Variants in SKI observed in about 807,000 individuals in gnomAD.
The protein encoded by SKI is SKI proto-oncogene.
Under a neutral mutation model 59.3 loss-of-function variants are expected in SKI, and 23 were observed. That is an observed-to-expected ratio of 0.39 (90% CI 0.28 to 0.55). The LOEUF (loss-of-function observed/expected upper bound fraction) is 0.55. Ranked by LOEUF, SKI falls within the 20% of genes least tolerant of loss-of-function variation. The pLI is 0.67. For missense variants in SKI, 1,017 were observed against 1,038.9 expected, an observed-to-expected ratio of 0.98 and a Z score of 0.29; for synonymous variants, 673 against 488.6, an observed-to-expected ratio of 1.38 and a Z score of -4.98.
chr1:2,282,879 CCAGTGACCT>C (rs1246222612), intron 1 of SKI, among the ~76,000 whole-genome samples: 1 of 152,310 alleles, frequency 6.6e-6, no homozygotes, highest in East Asian at 1.9e-4. Context: ...CGGTGTGGGC[CCAGTGACCT>C]CAGTGAGCTC....
intron 1 of SKI, among the ~76,000 whole-genome samples, chr1:2,301,935 C>A (rs540406158): frequency 6.2e-4 from 95 of 152,364 alleles, no homozygotes; most frequent in Middle Eastern, 3.4e-3. Flanking sequence ...CCTGTGGGGT[C>A]TTTGGCAGTA....
At chr1:2,274,572 C>T (rs955703993) in intron 1 of SKI, among the ~76,000 whole-genome samples, 14 of 152,244 alleles carry the variant, frequency 9.2e-5, no homozygotes, top group African/African-American at 3.4e-4. Flanking sequence ...CACTCCTGCC[C>T]CATGGCAGGA....
At chr1:2,255,066 A>C (rs897130953) in intron 1 of SKI, among the ~76,000 whole-genome samples, 2 of 151,896 alleles carry the variant, frequency 1.3e-5, no homozygotes. Context: ...CGGTCACCCT[A>C]CCATGCGGCC....
intron 1 of SKI, among the ~76,000 whole-genome samples, chr1:2,285,874 T>C (rs900775896): frequency 6.9e-6 from 1 of 145,854 alleles, no homozygotes; most frequent in Non-Finnish European, 1.5e-5. Context: ...CAGAAGGTTT[T>C]TTTTTTTTTT....
intron 1 of SKI, among the ~76,000 whole-genome samples, chr1:2,278,353 G>C (rs929524603): frequency 6.6e-6 from 1 of 152,212 alleles, no homozygotes. Context: ...AGGAGCCCTG[G>C]GGGAGGACGG....
At chr1:2,298,560 C>A (rs947015025) in intron 1 of SKI, among the ~76,000 whole-genome samples, 2 of 152,184 alleles carry the variant, frequency 1.3e-5, no homozygotes, top group African/African-American at 4.8e-5. Context: ...GTCCTGTTTC[C>A]CCCTTGTATC....
In SKI at chr1:2,234,322, C is replaced by T. The variant is rs144490874; in HGVS notation, c.969+4587C>T. On this transcript the variant is annotated intron_variant, in intron 1 of 6. Transcript: ENST00000378536. Reference sequence around the variant, plus strand: ...CATTTTCCCGGCATGGTCTGTCATCCGTCTGTCTGGGACCCCTCTGGGAGC... The same window carrying T: ...CATTTTCCCGGCATGGTCTGTCATCTGTCTGTCTGGGACCCCTCTGGGAGC... Among the ~76,000 whole-genome samples the T allele has an allele frequency of 6.7e-3, 1,014 of 152,232 alleles. 6 individuals are homozygous for T. Among genetic ancestry groups the T allele is most frequent in the Non-Finnish European group, 0.011 (733 of 68,004 alleles).
Position 2,228,955 on chromosome 1 carries a change from G to A in SKI, c.189G>A (p.Pro63=), listed in dbSNP as rs1334963271. ...CGGGCGCGGCCGCGGTGCCGGCGCC[G>A]GTGCCCGCAGCCACCGAGCCGCCGC... ...KEAGAAAVPA[P]VPAATEPPPV... The change falls in exon 1 of 7, where the codon CCG becomes CCA. Residue 63 remains proline, a synonymous_variant. Transcript: ENST00000378536. 7.1e-7 allele frequency: 1 copy of A among 1,401,432 alleles called. No homozygotes were observed. Among genetic ancestry groups the A allele is most frequent in the Admixed American group, 3.1e-5 (1 of 31,870 alleles). 86.8% of individuals were successfully genotyped at this position (1,401,432 alleles called of 1,614,324 possible).
chr1:2,256,970 C>T (rs987942675), intron 1 of SKI, among the ~76,000 whole-genome samples: 1 of 152,198 alleles, frequency 6.6e-6, no homozygotes, highest in Non-Finnish European at 1.5e-5. Context: ...TAGGGCTGGA[C>T]GTTGGTCCTC....
chr1:2,234,674 C>T (rs1316177536), intron 1 of SKI, among the ~76,000 whole-genome samples: 1 of 152,198 alleles, frequency 6.6e-6, no homozygotes, highest in African/African-American at 2.4e-5. Context: ...ACGCCGGCGG[C>T]CCGGCTCTCT....
intron 1 of SKI, among the ~76,000 whole-genome samples, chr1:2,297,423 A>C (rs1184964180): frequency 1.4e-4 from 22 of 152,150 alleles, no homozygotes; most frequent in Admixed American, 1.4e-3. Flanking sequence ...CCCGCTCACC[A>C]CGCTGTGGGC....
At chr1:2,234,713 T>C (rs1330907719) in intron 1 of SKI, among the ~76,000 whole-genome samples, 2 of 152,186 alleles carry the variant, frequency 1.3e-5, no homozygotes, top group African/African-American at 2.4e-5. Flanking sequence ...TTTCTAAGGA[T>C]TGCGAAAGTT....
chr1:2,236,510 A>C (rs1202619133), intron 1 of SKI, among the ~76,000 whole-genome samples: 1 of 151,924 alleles, frequency 6.6e-6, no homozygotes, highest in East Asian at 1.9e-4. Flanking sequence ...GGGTTCAAGC[A>C]ATTCCCCTGC....
intron 1 of SKI, among the ~76,000 whole-genome samples, chr1:2,280,755 C>T (rs796728728): frequency 3.7e-4 from 1 of 2,716 alleles, no homozygotes; most frequent in African/African-American, 1.5e-3. Flanking sequence ...AGAAGACAGG[C>T]GGTGGCGGAG....
At chr1:2,273,922 T>G (rs993704137) in intron 1 of SKI, among the ~76,000 whole-genome samples, 1 of 152,074 alleles carries the variant, frequency 6.6e-6, no homozygotes, top group Non-Finnish European at 1.5e-5. Flanking sequence ...CTCACTGCCC[T>G]GGCTGGAAGG....
Position 2,303,745 on chromosome 1 carries a change from C to G in SKI, c.1212-95C>G. 1 of 1,493,654 alleles carries G rather than the reference C, an allele frequency of 6.7e-7. No individual in the cohort carries two copies. Among genetic ancestry groups the G allele is most frequent in the Non-Finnish European group, 9.1e-7 (1 of 1,093,238 alleles). The allele number at this position is 1,493,654 out of a possible 1,614,324, so 92.5% of individuals were successfully genotyped here. A position where few individuals can be genotyped will look rare whatever the true frequency, so the allele number is the denominator to read the frequency against. On this transcript the variant is annotated intron_variant, in intron 3 of 6. Coordinates refer to ENST00000378536, the MANE Select transcript of SKI (RefSeq NM_003036.4). The surrounding 1 kb of genome is among the most constrained non-coding windows in gnomAD (Gnocchi z 5.6). The stretch of plus-strand genomic sequence containing the variant: ...AAGATTCGGAGCTGGGAAAGTCTTT[C>G]CTGTTTAACACCTTCAGAGGGGGTG...
chr1:2,299,015 G>A (rs1037800908), intron 1 of SKI, among the ~76,000 whole-genome samples: 9 of 152,224 alleles, frequency 5.9e-5, no homozygotes, highest in East Asian at 1.9e-4. Context: ...CCGGGTGGTC[G>A]TGGAGGTTCA....
At chr1:2,237,288 C>G (rs994604457) in intron 1 of SKI, among the ~76,000 whole-genome samples, 2 of 152,226 alleles carry the variant, frequency 1.3e-5, no homozygotes, top group Admixed American at 1.3e-4. Flanking sequence ...GCCTCTGTCT[C>G]TCTGTCCACG....
intron 1 of SKI, among the ~76,000 whole-genome samples, chr1:2,244,993 C>G (rs1638960902): frequency 6.6e-6 from 1 of 152,188 alleles, no homozygotes; most frequent in Non-Finnish European, 1.5e-5. Context: ...TATATACGCA[C>G]CTAACCTCAG....
Sources: allele counts gnomAD v4.1 joint callset (sites outside exome capture counted in the v4.1 genomes callset), GRCh38; gene constraint gnomAD v4.1.1; non-coding constraint Gnocchi (gnomAD v3.1); transcripts MANE v1.5; gene names NCBI Gene and HGNC (gene_info 2026-07-23, HGNC 2026-07-21).